The following PGS1 variants were observed in gnomAD, a reference collection of about 807,000 sequenced individuals.
PGS1 encodes CDP-diacylglycerol--glycerol-3-phosphate 3-phosphatidyltransferase, mitochondrial.
A neutral mutation model predicts 58.3 loss-of-function variants in PGS1; 44 were observed. The observed-to-expected ratio is 0.75, with a 90% CI of 0.59 to 0.97. The LOEUF (loss-of-function observed/expected upper bound fraction) is 0.97, where lower values mean the gene tolerates loss of function less well. PGS1 is among the 50% of genes least tolerant of loss of function. PGS1 has a pLI of 0.00. For missense variants in PGS1, 684 were observed against 731.1 expected, an observed-to-expected ratio of 0.94 and a Z score of 0.74; for synonymous variants, 330 against 311.0, an observed-to-expected ratio of 1.06 and a Z score of -0.64.
rs751549914 is a variant in PGS1, at chr17:78,399,523, C to A, written c.687C>A (p.Ser229Arg). The A allele has an allele frequency of 3.1e-6, 5 of 1,614,170 alleles. No homozygotes were observed. The highest frequency in any genetic ancestry group is 4.2e-6 in the Non-Finnish European group (5 of 1,180,028). Residue 229 changes from serine to arginine, a missense_variant, in exon 5 of 10, where the codon AGC (serine) becomes AGA (arginine). Coordinates refer to ENST00000262764, the MANE Select transcript of PGS1 (RefSeq NM_024419.5). ...QHIKVYLFDN[S>R]VILSGANLSD... ...TTAAGGTGTACCTCTTCGACAACAGCGTCATCTTGAGCGGGTGAGTGCTTC... is the reference window on the plus strand; with the variant it reads ...TTAAGGTGTACCTCTTCGACAACAGAGTCATCTTGAGCGGGTGAGTGCTTC...
At position 78,398,002 on chromosome 17, in the gene PGS1, C is replaced by T. The variant is rs909237526; in HGVS notation, c.412-250C>T. The T allele has an allele frequency of 1.0e-4, 58 of 582,780 alleles. No individual in the cohort carries two copies. In the Middle Eastern group the frequency reaches 5.0e-3, roughly 50 times the overall value. The allele number at this position is 582,780 out of a possible 1,614,324, so 36.1% of individuals were successfully genotyped here. ...GGCACGGGCTGGCTGTCAGGCAGCA[C>T]GCCTCTGCCTGCAGGTCCCTTTCCA... On this transcript the variant is annotated intron_variant, in intron 3 of 9. Transcript: ENST00000262764.
intron 7 of PGS1, 90 bp from the exon 8 acceptor site, chr17:78,414,789 C>T (rs2146313178): frequency 6.8e-7 from 1 of 1,472,736 alleles, no homozygotes; most frequent in East Asian, 2.3e-5. Flanking sequence ...CAGGGCAGGC[C>T]GCCTTTCTCT....
rs116405987 is a variant in PGS1 at position 78,398,199 on chromosome 17, A to G, written c.412-53A>G. The stretch of plus-strand genomic sequence containing the variant: ...GATGGGGCGATTTGTTTTTCTTTAA[A>G]TACACACACCTCTTTGGGTCTTAAT... On this transcript the variant is annotated intron_variant, in intron 3 of 9. Coordinates refer to ENST00000262764, the MANE Select transcript of PGS1 (RefSeq NM_024419.5). 1.2e-3 allele frequency: 1,634 copies of G among 1,314,396 alleles called. 19 individuals are homozygous for G. The African/African-American group carries it at 0.021, about 17-fold the overall frequency. 81.4% of individuals were successfully genotyped at this position (1,314,396 alleles called of 1,614,324 possible). A position where few individuals can be genotyped will look rare whatever the true frequency, so the allele number is the denominator to read the frequency against.
chr17:78,392,346 T>G, intron 1 of PGS1, 130 bp from the exon 2 acceptor site: 1 of 588,476 alleles, frequency 1.7e-6, no homozygotes, highest in Non-Finnish European at 3.0e-6. Flanking sequence ...TTCTAGAAAA[T>G]CTGACATTCA....
intron 7 of PGS1, among the ~76,000 whole-genome samples, chr17:78,406,066 C>T (rs2084114800): frequency 6.6e-6 from 1 of 152,168 alleles, no homozygotes; most frequent in Admixed American, 6.5e-5. Flanking sequence ...CCTGTAATCC[C>T]AGCACTTTAG....
chr17:78,399,284 C>T lies in PGS1; in HGVS notation c.512-64C>T, dbSNP rs564507778. ...AAGGCGAGGCCACGTGGAGGTGGCT[C>T]CTCATTGGGGGCAGGACGCCTTCCT... On this transcript the variant is annotated intron_variant, in intron 4 of 9. Transcript: ENST00000262764. 358 of 1,326,356 alleles carry T rather than the reference C, an allele frequency of 2.7e-4. No individual in the cohort carries two copies. In the East Asian group the frequency reaches 6.2e-3, roughly 23 times the overall value. 82.2% of individuals were successfully genotyped at this position (1,326,356 alleles called of 1,614,324 possible). A position where few individuals can be genotyped will look rare whatever the true frequency, so the allele number is the denominator to read the frequency against.
rs1422055325 is a variant in PGS1, at chr17:78,378,732, G to A, written c.67G>A (p.Gly23Ser). The A allele has an allele frequency of 1.3e-6, 2 of 1,510,750 alleles. No homozygotes were observed. The highest frequency in any genetic ancestry group is 1.2e-5 in the South Asian group (1 of 81,354). 93.6% of individuals were successfully genotyped at this position (1,510,750 alleles called of 1,614,324 possible). Residue 23 changes from glycine (G) to serine (S), a missense_variant, in exon 1 of 10, where the codon GGC becomes AGC. Coordinates refer to ENST00000262764, the MANE Select transcript of PGS1 (RefSeq NM_024419.5). ...GAGGCGACTGCTGGGCCTCCTGCCT[G>A]GCCGCCCAGGGCTGGCCGCGCTCCT... The part of the protein sequence containing the change: ...FWRRLLGLLP[G>S]RPGLAALLGR...
chr17:78,424,357 C>T lies in PGS1; in HGVS notation c.*307C>T, dbSNP rs2086306062. Reference sequence around the variant, plus strand: ...TGTAACTACCCCGTCCCGCTGGGCTCAAGGAACAGCTCAGCTAAAGCCCTC... The same window carrying T: ...TGTAACTACCCCGTCCCGCTGGGCTTAAGGAACAGCTCAGCTAAAGCCCTC... On this transcript the variant is annotated 3_prime_UTR_variant, in exon 10 of 10. Coordinates refer to ENST00000262764, the MANE Select transcript of PGS1 (RefSeq NM_024419.5). 5 of 568,296 alleles carry T rather than the reference C, an allele frequency of 8.8e-6. No individual in the cohort carries two copies. In the Admixed American group the frequency reaches 9.6e-5, roughly 11 times the overall value. 35.2% of individuals were successfully genotyped at this position (568,296 alleles called of 1,614,324 possible).
chr17:78,407,239 G>C (rs1015621150), intron 7 of PGS1, among the ~76,000 whole-genome samples: 3 of 152,200 alleles, frequency 2.0e-5, no homozygotes, highest in Non-Finnish European at 4.4e-5. Flanking sequence ...GGCTGCTGCT[G>C]AGCAGAGGGG....
chr17:78,386,673 G>A (rs1267155428), intron 1 of PGS1, among the ~76,000 whole-genome samples: 3 of 152,182 alleles, frequency 2.0e-5, no homozygotes, highest in Admixed American at 6.5e-5. Flanking sequence ...TGCTTTCTTG[G>A]TAAGTAAGCC....
rs1453388702 is a variant in PGS1 at position 78,411,985 on chromosome 17, C to G, written c.1403-2894C>G. Among the ~76,000 whole-genome samples, 14 of 130,446 alleles carry G rather than the reference C, an allele frequency of 1.1e-4. 1 individual carries two copies. The South Asian group carries it at 3.3e-3, about 31-fold the overall frequency. The allele number at this position is 130,446 out of a possible 152,430, so 85.6% of individuals were successfully genotyped here. ...TGGAGTGCAGTGGGGGTAATCTTAG[C>G]TCACTGCAGGCTTGACCTCTGTAAG... On this transcript the variant is annotated intron_variant, in intron 7 of 9. Coordinates refer to ENST00000262764, the MANE Select transcript of PGS1 (RefSeq NM_024419.5).
In PGS1 at chr17:78,403,720, C is replaced by T. The variant is rs1454371210; in HGVS notation, c.1033C>T (p.Pro345Ser). ...TGCAGCAGCTGCTGGGGATCGCAGA[C>T]CAGCCCCTGACACCTGGATTTATCC... is the stretch of plus-strand genomic sequence containing the variant. Reference protein sequence around the residue: ...EDAAAAGDRRPAPDTWIYPLI... With the variant: ...EDAAAAGDRRSAPDTWIYPLI... Residue 345 changes from proline to serine, a missense_variant, in exon 7 of 10, where the codon CCA becomes TCA. Pro to Ser is a moderately conservative substitution (Grantham distance 74). Coordinates refer to ENST00000262764, the MANE Select transcript of PGS1 (RefSeq NM_024419.5). 1.2e-6 allele frequency: 2 copies of T among 1,614,128 alleles called. No individual in the cohort carries two copies. Among genetic ancestry groups the T allele is most frequent in the East Asian group, 2.2e-5 (1 of 44,904 alleles).
At chr17:78,417,398 G>A (rs767126919) in intron 8 of PGS1, among the ~76,000 whole-genome samples, 5 of 152,182 alleles carry the variant, frequency 3.3e-5, no homozygotes, top group African/African-American at 7.2e-5. Context: ...TGTGACACGC[G>A]GGGCTGCGGG....
chr17:78,384,955 C>CGGCTAG, intron 1 of PGS1, among the ~76,000 whole-genome samples: 1 of 152,326 alleles, frequency 6.6e-6, no homozygotes, highest in East Asian at 1.9e-4. Context: ...CTCTGAGAAG[C>CGGCTAG]GGGCGCCCGG....
intron 1 of PGS1, among the ~76,000 whole-genome samples, chr17:78,386,973 T>C (rs1463013109): frequency 8.2e-6 from 1 of 121,632 alleles, no homozygotes; most frequent in Non-Finnish European, 1.8e-5. Flanking sequence ...ATGATGATGA[T>C]GATGATGGTG....
intron 1 of PGS1, 62 bp from the exon 2 acceptor site, chr17:78,392,414 G>T (rs2082897683): frequency 2.4e-6 from 3 of 1,230,006 alleles, no homozygotes; most frequent in Middle Eastern, 4.7e-4. Context: ...AACTGAGGGG[G>T]GCTTCTGCAG....
Position 78,398,336 on chromosome 17 carries a change from AC to A in PGS1, c.497del (p.Thr166SerfsTer67). 6.2e-7 allele frequency: 1 copy of A among 1,613,444 alleles called. No homozygotes were observed. Among genetic ancestry groups the A allele is most frequent in the Non-Finnish European group, 8.5e-7 (1 of 1,179,454 alleles). On this transcript the variant is annotated frameshift_variant, in exon 4 of 10. Coordinates refer to ENST00000262764, the MANE Select transcript of PGS1 (RefSeq NM_024419.5). LOFTEE classifies it high-confidence loss of function. ...CAAGGTCTCCATTCTCTTAGACTTC[AC>A]GCGGGGCTCACGAGGTAGGTGGCAT... ...NLKVSILLDF[T>X]RGSRGRKNSR...
chr17:78,417,562 C>G (rs1264026776), intron 8 of PGS1, among the ~76,000 whole-genome samples: 1 of 151,970 alleles, frequency 6.6e-6, no homozygotes, highest in African/African-American at 2.4e-5. Flanking sequence ...GTGGGGTGAC[C>G]CCTTCCTGAC....
intron 9 of PGS1, among the ~76,000 whole-genome samples, chr17:78,423,021 A>G (rs2086036313): frequency 6.6e-6 from 1 of 151,508 alleles, no homozygotes; most frequent in African/African-American, 2.4e-5. Context: ...GCTTGAGCCC[A>G]GGAGGTGGAG....
Sources: gnomAD v4.1 joint callset for allele counts (sites outside exome capture counted in the v4.1 genomes callset) on GRCh38, gnomAD v4.1.1 for gene constraint, MANE v1.5 for transcripts, NCBI Gene and HGNC (gene_info 2026-07-23, HGNC 2026-07-21) for gene names.